DLGAP2: variants seen among roughly 807,000 people sequenced by gnomAD.
DLGAP2 encodes the protein disks large-associated protein 2.
DLGAP2 carries 26 observed loss-of-function variants against 100.3 expected under a neutral mutation model. That is an observed-to-expected ratio of 0.26 (90% CI 0.19 to 0.36). DLGAP2 has a LOEUF of 0.36. DLGAP2 is among the 10% of genes least tolerant of loss of function. The pLI, the probability that DLGAP2 is intolerant of heterozygous loss-of-function variation, is 1.00. For missense variants in DLGAP2, 1,858 were observed against 1,453.2 expected, an observed-to-expected ratio of 1.28 and a Z score of -4.53; for synonymous variants, 886 against 630.1, an observed-to-expected ratio of 1.41 and a Z score of -6.08.
chr8:1,382,915 G>A (rs998051204), intron 3 of DLGAP2, among the ~76,000 whole-genome samples: 3 of 152,186 alleles, frequency 2.0e-5, no homozygotes, highest in Non-Finnish European at 2.9e-5. Context: ...TATACAAAGT[G>A]TGTGTGTGCG....
chr8:943,420 C>T (rs1432791190), intron 2 of DLGAP2, among the ~76,000 whole-genome samples: 3 of 152,280 alleles, frequency 2.0e-5, no homozygotes, highest in Admixed American at 1.3e-4. Flanking sequence ...ATGTGCGGCA[C>T]CCGCGTGTCT....
intron 8 of DLGAP2, among the ~76,000 whole-genome samples, chr8:1,647,611 A>T (rs1019445933): frequency 1.3e-5 from 2 of 150,950 alleles, no homozygotes; most frequent in Non-Finnish European, 2.9e-5. Flanking sequence ...ACACATTCCT[A>T]TGAGATTCAT....
intron 3 of DLGAP2, among the ~76,000 whole-genome samples, chr8:1,332,220 G>T (rs1310384197): frequency 6.6e-6 from 1 of 152,176 alleles, no homozygotes; most frequent in Non-Finnish European, 1.5e-5. Flanking sequence ...GTGATGGTTT[G>T]TGTGAGTGTG....
chr8:973,227 G>T (rs576102073), intron 2 of DLGAP2, among the ~76,000 whole-genome samples: 1 of 150,664 alleles, frequency 6.6e-6, no homozygotes, highest in African/African-American at 2.4e-5. Flanking sequence ...CCTCCCAGAC[G>T]GGGCGGCTGG....
chr8:1,529,561 G>C (rs1414717649), intron 4 of DLGAP2, among the ~76,000 whole-genome samples: 2 of 152,136 alleles, frequency 1.3e-5, no homozygotes, highest in African/African-American at 4.8e-5. Flanking sequence ...ATTACCCAAA[G>C]AGAGTGAGTC....
intron 3 of DLGAP2, among the ~76,000 whole-genome samples, chr8:1,317,295 C>T (rs1224369363): frequency 6.6e-5 from 8 of 121,704 alleles, no homozygotes; most frequent in Admixed American, 1.8e-4. Flanking sequence ...TCGAGAAACT[C>T]GGCAGCTTTT....
In DLGAP2 at chr8:851,769, C is replaced by T. The variant is rs998159384; in HGVS notation, c.19-56143C>T. Among the ~76,000 whole-genome samples the T allele has an allele frequency of 4.6e-5, 7 of 152,308 alleles. No homozygotes were observed. In the South Asian group the frequency reaches 6.2e-4, roughly 14 times the overall value. On this transcript the variant is annotated intron_variant, in intron 1 of 14. Coordinates refer to ENST00000637795, the MANE Select transcript of DLGAP2 (RefSeq NM_001346810.2). The stretch of plus-strand genomic sequence containing the variant: ...AACACGATTCACGGAGACCACGCCA[C>T]GTGCCCCGCAGCCTGCTAGATGCCA...
intron 2 of DLGAP2, among the ~76,000 whole-genome samples, chr8:939,832 CAG>C (rs1799152043): frequency 7.7e-6 from 1 of 130,650 alleles, no homozygotes; most frequent in Non-Finnish European, 1.6e-5. Context: ...GGTGCAGACA[CAG>C]GGGCTGGGGT....
intron 1 of DLGAP2, among the ~76,000 whole-genome samples, chr8:798,510 T>C (rs1187459801): frequency 7.5e-6 from 1 of 133,802 alleles, no homozygotes; most frequent in East Asian, 2.4e-4. Context: ...AGCAAACGCT[T>C]GTTGCGTCAG....
At chr8:1,137,103 G>A (rs559895289) in intron 2 of DLGAP2, among the ~76,000 whole-genome samples, 1 of 152,172 alleles carries the variant, frequency 6.6e-6, no homozygotes, top group Non-Finnish European at 1.5e-5. Context: ...TAGCCTGGTT[G>A]GTTTCTCCTG....
intron 2 of DLGAP2, among the ~76,000 whole-genome samples, chr8:1,170,945 T>G (rs1242137160): frequency 1.3e-5 from 2 of 150,982 alleles, no homozygotes; most frequent in Non-Finnish European, 3.0e-5. Flanking sequence ...GTGTTTGCTC[T>G]TGCTTCTCTA....
intron 2 of DLGAP2, among the ~76,000 whole-genome samples, chr8:1,036,139 G>A (rs1443060999): frequency 1.5e-5 from 2 of 132,750 alleles, no homozygotes; most frequent in African/African-American, 2.9e-5. Flanking sequence ...TCCCGACCCC[G>A]CGTGTCACCG....
chr8:826,675 C>G (rs1050296431), intron 1 of DLGAP2, among the ~76,000 whole-genome samples: 4 of 152,096 alleles, frequency 2.6e-5, no homozygotes, highest in Non-Finnish European at 5.9e-5. Context: ...CGCCCCCTCT[C>G]GCAGCCTTCT....
intron 2 of DLGAP2, among the ~76,000 whole-genome samples, chr8:1,062,382 C>T (rs755164351): frequency 3.3e-5 from 5 of 152,234 alleles, no homozygotes; most frequent in Non-Finnish European, 5.9e-5. Context: ...CTGCTTCTCT[C>T]GCAAGGATGT....
intron 2 of DLGAP2, among the ~76,000 whole-genome samples, chr8:954,565 A>G (rs1021103692): frequency 6.6e-6 from 1 of 152,238 alleles, no homozygotes; most frequent in African/African-American, 2.4e-5. Flanking sequence ...TACATCAGAA[A>G]GGGTATATCT....
chr8:1,576,300 C>T (rs1268522488), intron 6 of DLGAP2, among the ~76,000 whole-genome samples: 1 of 152,196 alleles, frequency 6.6e-6, no homozygotes, highest in Non-Finnish European at 1.5e-5. Context: ...CCTTCGCCCA[C>T]TTGTTGATGG....
At chr8:1,075,323 G>A (rs1347804274) in intron 2 of DLGAP2, among the ~76,000 whole-genome samples, 2 of 152,282 alleles carry the variant, frequency 1.3e-5, no homozygotes, top group African/African-American at 4.8e-5. Flanking sequence ...AGGCGATGCG[G>A]ATTGAGGCGT....
chr8:1,591,937 C>T (rs1432718160), intron 6 of DLGAP2, among the ~76,000 whole-genome samples: 2 of 152,180 alleles, frequency 1.3e-5, no homozygotes, highest in African/African-American at 4.8e-5. Flanking sequence ...GGAGGAGGAG[C>T]GGAGGGAGGA....
At chr8:980,267 C>T (rs891074705) in intron 2 of DLGAP2, among the ~76,000 whole-genome samples, 1 of 152,190 alleles carries the variant, frequency 6.6e-6, no homozygotes, top group Non-Finnish European at 1.5e-5. Flanking sequence ...ATAGAAGGTG[C>T]AGGGCCCACC....
Sources: allele counts gnomAD v4.1 joint callset (sites outside exome capture counted in the v4.1 genomes callset), GRCh38; gene constraint gnomAD v4.1.1; transcripts MANE v1.5; gene names NCBI Gene and HGNC (gene_info 2026-07-23, HGNC 2026-07-21).